Variants in EPC2 observed in about 807,000 individuals in gnomAD.
EPC2 encodes enhancer of polycomb homolog 2.
Under a neutral mutation model 92.1 loss-of-function variants are expected in EPC2, and 14 were observed. That is an observed-to-expected ratio of 0.15 (90% CI 0.10 to 0.24). The LOEUF (loss-of-function observed/expected upper bound fraction) is 0.24, where lower values mean the gene tolerates loss of function less well. Ranked by LOEUF, EPC2 falls within the 10% of genes least tolerant of loss-of-function variation. The probability of loss-of-function intolerance (pLI) is 1.00; values close to 1 mark genes in which losing one functional copy is unlikely to be tolerated. For synonymous variants in EPC2, 340 were observed against 334.7 expected, an observed-to-expected ratio of 1.02 and a Z score of -0.17; for missense variants, 755 against 971.5, an observed-to-expected ratio of 0.78 and a Z score of 2.96.
At chr2:148,671,847 A>C (rs180867983) in intron 1 of EPC2, among the ~76,000 whole-genome samples, 1 of 151,906 alleles carries the variant, frequency 6.6e-6, no homozygotes, top group East Asian at 1.9e-4. Context: ...CATTTAGAGG[A>C]GGAATTTTTT....
intron 7 of EPC2, among the ~76,000 whole-genome samples, chr2:148,766,027 C>G (rs1683401911): frequency 6.6e-6 from 1 of 152,016 alleles, no homozygotes; most frequent in Non-Finnish European, 1.5e-5. Context: ...CAGAGCGAGA[C>G]GACGTCTCAA....
chr2:148,740,651 GGTGA>G (rs1347141387), intron 2 of EPC2, among the ~76,000 whole-genome samples: 5 of 152,096 alleles, frequency 3.3e-5, no homozygotes, highest in Non-Finnish European at 7.4e-5. Flanking sequence ...AGGAACAAGA[GGTGA>G]GTAAGATTAG....
chr2:148,687,104 G>C (rs981083255), intron 1 of EPC2, among the ~76,000 whole-genome samples: 1 of 152,220 alleles, frequency 6.6e-6, no homozygotes, highest in African/African-American at 2.4e-5. Flanking sequence ...AGATCTTCTA[G>C]ATGACTTGTG....
At chr2:148,657,862 G>A (rs754195017) in intron 1 of EPC2, among the ~76,000 whole-genome samples, 9 of 150,636 alleles carry the variant, frequency 6.0e-5, no homozygotes, top group Non-Finnish European at 1.2e-4. Flanking sequence ...GCTTTCAAAT[G>A]TTTTTTTGAC....
chr2:148,772,752 G>A (rs1361033946), intron 10 of EPC2, among the ~76,000 whole-genome samples: 6 of 152,132 alleles, frequency 3.9e-5, no homozygotes, highest in Admixed American at 1.3e-4. Flanking sequence ...GGATGAATGC[G>A]TAATATGATT....
intron 2 of EPC2, among the ~76,000 whole-genome samples, chr2:148,726,645 TC>T (rs1488145399): frequency 1.3e-5 from 2 of 152,044 alleles, no homozygotes; most frequent in Non-Finnish European, 2.9e-5. Flanking sequence ...AATTTTTTTT[TC>T]ATACCTCAAA....
chr2:148,726,765 G>GTTTTTTTTTTTTTTTTTTTTTTTTTGT (rs201293391), intron 2 of EPC2, among the ~76,000 whole-genome samples: 1 of 100,602 alleles, frequency 9.9e-6, no homozygotes. Flanking sequence ...TTTGTTTTTT[G>GTTTTTTTTTTTTTTTTTTTTTTTTTGT]TTTTTTTTTT....
intron 10 of EPC2, among the ~76,000 whole-genome samples, chr2:148,776,028 G>A (rs996511949): frequency 2.6e-5 from 4 of 152,000 alleles, no homozygotes; most frequent in East Asian, 1.9e-4. Context: ...TGATCCGCCC[G>A]CCTTGGCCTC....
intron 12 of EPC2, 135 bp downstream of exon 12, chr2:148,783,891 GAT>G (rs1309764337): frequency 2.8e-5 from 25 of 880,442 alleles, no homozygotes; most frequent in Non-Finnish European, 4.3e-5. Context: ...TCTTTGGAAA[GAT>G]AGTGGGAAAT....
rs146505560 is a variant in EPC2 at position 148,646,470 on chromosome 2, AATAG to A, written c.153+1304_153+1307del. ...TGTGTGTGTACACACACAAATATGTAATAGATATATATACACGCACATACACATA... is the reference window on the plus strand; with the variant it reads ...TGTGTGTGTACACACACAAATATGTAATATATATACACGCACATACACATA... On this transcript the variant is annotated intron_variant, in intron 1 of 13. Coordinates refer to ENST00000258484, the MANE Select transcript of EPC2 (RefSeq NM_015630.4). 2.8e-3 allele frequency among the ~76,000 whole-genome samples: 424 copies of A among 152,284 alleles called. 14 individuals carry two copies. The East Asian group carries it at 0.069, about 25-fold the overall frequency.
Position 148,644,893 on chromosome 2 carries a change from A to T in EPC2, c.-125A>T. On this transcript the variant is annotated 5_prime_UTR_variant, in exon 1 of 14. Transcript: ENST00000258484. The stretch of plus-strand genomic sequence containing the variant: ...CATGCTGTGGCCGGGGGCAGTGAGG[A>T]GGAGGAGGAGCGGGCCGGCCGCGCT... 1 of 784,614 alleles carries T rather than the reference A, an allele frequency of 1.3e-6. No homozygotes were observed. The highest frequency in any genetic ancestry group is 2.0e-6 in the Non-Finnish European group (1 of 497,426). 48.6% of individuals were successfully genotyped at this position (784,614 alleles called of 1,614,324 possible).
intron 7 of EPC2, among the ~76,000 whole-genome samples, chr2:148,768,852 A>C (rs1282361417): frequency 6.6e-6 from 1 of 152,206 alleles, no homozygotes; most frequent in Non-Finnish European, 1.5e-5. Flanking sequence ...TTATTTATAA[A>C]ATATAATGGG....
At chr2:148,762,452 T>C (rs1034111124) in intron 5 of EPC2, among the ~76,000 whole-genome samples, 3 of 152,074 alleles carry the variant, frequency 2.0e-5, no homozygotes, top group Non-Finnish European at 4.4e-5. Flanking sequence ...TGTAAGAAAT[T>C]TGTTTGCTGT....
chr2:148,725,110 C>G (rs940223634), intron 2 of EPC2, among the ~76,000 whole-genome samples: 14 of 152,018 alleles, frequency 9.2e-5, no homozygotes, highest in African/African-American at 3.4e-4. Flanking sequence ...CTTTAAGAAT[C>G]TTTATGTCTT....
At chr2:148,656,970 A>G (rs16829133) in intron 1 of EPC2, among the ~76,000 whole-genome samples, 2,143 of 152,270 alleles carry the variant, frequency 0.014, 53 homozygotes, top group African/African-American at 0.049. Flanking sequence ...TAGTCTTGAA[A>G]TGATTCCTGT....
At chr2:148,659,054 T>A (rs775719179) in intron 1 of EPC2, among the ~76,000 whole-genome samples, 43 of 152,114 alleles carry the variant, frequency 2.8e-4, no homozygotes, top group Non-Finnish European at 5.1e-4. Flanking sequence ...AAACTAGTTA[T>A]GAGTTTACTG....
intron 2 of EPC2, among the ~76,000 whole-genome samples, chr2:148,698,299 A>T (rs1336361290): frequency 6.6e-6 from 1 of 152,068 alleles, no homozygotes; most frequent in Non-Finnish European, 1.5e-5. Flanking sequence ...GCCCCCTCTA[A>T]AATTGGACCT....
At chr2:148,758,582 G>A (rs906924031) in intron 4 of EPC2, among the ~76,000 whole-genome samples, 2 of 152,048 alleles carry the variant, frequency 1.3e-5, no homozygotes, top group Non-Finnish European at 2.9e-5. Context: ...TTTTAGTGGA[G>A]ACGGGGTTTC....
chr2:148,754,132 A>AGGT lies in EPC2; in HGVS notation c.666_666+2dup. 1 of 1,591,816 alleles carries AGGT rather than the reference A, an allele frequency of 6.3e-7. No homozygotes were observed. The highest frequency in any genetic ancestry group is 2.3e-5 in the East Asian group (1 of 44,294). On this transcript the variant is annotated inframe_insertion and splice_region_variant, in exon 4 of 14. Transcript: ENST00000258484. Reference sequence around the variant, plus strand: ...AGAACAGAGAAAATGCAAACTCGAAAGGTAATGTGCAAATTAGGTTTCATT... The same window carrying AGGT: ...AGAACAGAGAAAATGCAAACTCGAAAGGTGGTAATGTGCAAATTAGGTTTCATT...
Sources: gnomAD v4.1 joint callset for allele counts (sites outside exome capture counted in the v4.1 genomes callset) on GRCh38, gnomAD v4.1.1 for gene constraint, MANE v1.5 for transcripts, NCBI Gene and HGNC (gene_info 2026-07-23, HGNC 2026-07-21) for gene names.